The following TGFA variants were observed in gnomAD, a reference collection of about 807,000 sequenced individuals.
TGFA encodes protransforming growth factor alpha.
A neutral mutation model predicts 21.7 loss-of-function variants in TGFA; 12 were observed. That is an observed-to-expected ratio of 0.55 (90% CI 0.35 to 0.90). TGFA has a LOEUF of 0.90. TGFA is among the 40% of genes least tolerant of loss of function. The pLI, the probability that TGFA is intolerant of heterozygous loss-of-function variation, is 0.01. For synonymous variants in TGFA, 79 were observed against 88.1 expected, an observed-to-expected ratio of 0.90 and a Z score of 0.58; for missense variants, 178 against 210.8, an observed-to-expected ratio of 0.84 and a Z score of 0.96.
rs1410871505 is a variant in TGFA at position 70,479,279 on chromosome 2, A to G, written c.95-13543T>C. Reference sequence around the variant, plus strand: ...CATATAACGAAATATTATATGTCTGAGAACATCTGTGTTTCATTCATGTAC... The same window carrying G: ...CATATAACGAAATATTATATGTCTGGGAACATCTGTGTTTCATTCATGTAC... On this transcript the variant is annotated intron_variant, in intron 2 of 5. Transcript: ENST00000295400. Among the ~76,000 whole-genome samples, 5 of 152,188 alleles carry G rather than the reference A, an allele frequency of 3.3e-5. No individual in the cohort carries two copies. The East Asian group carries it at 7.7e-4, about 23-fold the overall frequency.
intron 2 of TGFA, among the ~76,000 whole-genome samples, chr2:70,483,935 A>G (rs1553496163): frequency 6.6e-6 from 1 of 152,100 alleles, no homozygotes; most frequent in East Asian, 1.9e-4. Context: ...TGGGTTCCTT[A>G]CAGTCTCTCT....
At chr2:70,453,422 G>C (rs1670124831) in intron 4 of TGFA, 95 bp from the exon 5 acceptor site, 1 of 1,099,470 alleles carries the variant, frequency 9.1e-7, no homozygotes, top group Admixed American at 2.1e-5. Flanking sequence ...GGCAGCTCCA[G>C]CTCTAAACCA....
At chr2:70,521,609 G>GTTGGTTTTTTTTTTTTTTTTTTTTT (rs1432347684) in intron 1 of TGFA, among the ~76,000 whole-genome samples, 1 of 78,876 alleles carries the variant, frequency 1.3e-5, no homozygotes, top group African/African-American at 5.0e-5. Flanking sequence ...TTTTGTTGTT[G>GTTGGTTTTTTTTTTTTTTTTTTTTT]TTTGTTTGTT....
At chr2:70,506,790 C>T (rs1553500196) in intron 2 of TGFA, among the ~76,000 whole-genome samples, 1 of 152,068 alleles carries the variant, frequency 6.6e-6, no homozygotes, top group African/African-American at 2.4e-5. Flanking sequence ...GGTCTCACAG[C>T]TAGTAGGTGG....
At chr2:70,454,009 A>C (rs1670142360) in intron 4 of TGFA, among the ~76,000 whole-genome samples, 1 of 151,610 alleles carries the variant, frequency 6.6e-6, no homozygotes, top group Admixed American at 6.6e-5. Flanking sequence ...TTGCATGAAA[A>C]AAAAAAAGCC....
intron 1 of TGFA, among the ~76,000 whole-genome samples, chr2:70,528,415 G>A (rs1289962443): frequency 1.5e-4 from 22 of 151,430 alleles, no homozygotes; most frequent in African/African-American, 4.6e-4. Flanking sequence ...CACACTGGGA[G>A]CATGTCAGAC....
intron 1 of TGFA, among the ~76,000 whole-genome samples, chr2:70,531,247 CT>C (rs1672806548): frequency 6.6e-6 from 1 of 152,098 alleles, no homozygotes; most frequent in Non-Finnish European, 1.5e-5. Flanking sequence ...GTTTTTTTGC[CT>C]CTTACTTCGA....
intron 1 of TGFA, among the ~76,000 whole-genome samples, chr2:70,521,761 C>A (rs782056624): frequency 6.6e-6 from 1 of 151,698 alleles, no homozygotes; most frequent in East Asian, 1.9e-4. Context: ...ACCACAGGCA[C>A]GCGCCACCAT....
intron 5 of TGFA, 22 bp downstream of exon 5, chr2:70,453,196 C>A: frequency 1.2e-6 from 2 of 1,603,152 alleles, no homozygotes; most frequent in South Asian, 2.2e-5. Flanking sequence ...TAGTGTCTCC[C>A]ACCAGAGAAG....
chr2:70,544,053 T>G (rs1219460414), intron 1 of TGFA, among the ~76,000 whole-genome samples: 1 of 152,108 alleles, frequency 6.6e-6, no homozygotes, highest in African/African-American at 2.4e-5. Flanking sequence ...CCTCCTGCTT[T>G]AAAAAACTAA....
At chr2:70,478,338 C>T (rs1459726569) in intron 2 of TGFA, among the ~76,000 whole-genome samples, 1 of 152,208 alleles carries the variant, frequency 6.6e-6, no homozygotes, top group East Asian at 1.9e-4. Flanking sequence ...TGCAAATATA[C>T]TGCATTCTCA....
intron 2 of TGFA, among the ~76,000 whole-genome samples, chr2:70,476,311 C>A (rs1234105951): frequency 2.0e-5 from 3 of 152,096 alleles, no homozygotes; most frequent in Non-Finnish European, 4.4e-5. Flanking sequence ...GTTCCATTCA[C>A]AAGGTAAACA....
At chr2:70,530,690 C>T (rs1264123787) in intron 1 of TGFA, among the ~76,000 whole-genome samples, 1 of 152,218 alleles carries the variant, frequency 6.6e-6, no homozygotes, top group Non-Finnish European at 1.5e-5. Context: ...ATGACAACGG[C>T]TATGCCCAAG....
At chr2:70,457,042 G>C (rs1359814206) in intron 3 of TGFA, among the ~76,000 whole-genome samples, 6 of 152,122 alleles carry the variant, frequency 3.9e-5, no homozygotes, top group Non-Finnish European at 8.8e-5. Flanking sequence ...GTGAACTCTG[G>C]TGTCCTCCTA....
chr2:70,506,263 C>G (rs1238706003), intron 2 of TGFA, among the ~76,000 whole-genome samples: 4 of 152,144 alleles, frequency 2.6e-5, no homozygotes, highest in African/African-American at 9.7e-5. Flanking sequence ...TCACAGACTC[C>G]CAGTGACCAG....
intron 2 of TGFA, among the ~76,000 whole-genome samples, chr2:70,508,015 T>C (rs782416419): frequency 6.6e-6 from 1 of 152,256 alleles, no homozygotes; most frequent in Non-Finnish European, 1.5e-5. Flanking sequence ...TTATTGCACT[T>C]ATGTAACTTA....
chr2:70,502,738 T>C (rs1671774136), intron 2 of TGFA, among the ~76,000 whole-genome samples: 1 of 152,266 alleles, frequency 6.6e-6, no homozygotes, highest in Admixed American at 6.5e-5. Context: ...GCTCAGGCCA[T>C]CTTGGTATTT....
intron 1 of TGFA, among the ~76,000 whole-genome samples, chr2:70,519,373 C>T (rs558380656): frequency 6.6e-6 from 1 of 152,308 alleles, no homozygotes; most frequent in East Asian, 1.9e-4. Context: ...TGAATTATAT[C>T]CCAACATTCA....
intron 3 of TGFA, among the ~76,000 whole-genome samples, chr2:70,457,371 C>T (rs1255981081): frequency 6.6e-5 from 10 of 152,142 alleles, no homozygotes; most frequent in African/African-American, 1.9e-4. Context: ...TTTTCTTTTA[C>T]AGGCATCCCC....
Sources: allele counts gnomAD v4.1 joint callset (sites outside exome capture counted in the v4.1 genomes callset), GRCh38; gene constraint gnomAD v4.1.1; transcripts MANE v1.5; gene names NCBI Gene and HGNC (gene_info 2026-07-23, HGNC 2026-07-21).